The following PPRC1 variants were observed in gnomAD, a reference collection of about 807,000 sequenced individuals.
PPRC1 encodes the protein peroxisome proliferator-activated receptor gamma coactivator-related protein 1.
In PPRC1, 23 loss-of-function variants were observed where a neutral mutation model predicts 132.5. The observed-to-expected ratio is 0.17, with a 90% CI of 0.12 to 0.25. The LOEUF (loss-of-function observed/expected upper bound fraction) is 0.25. Among genes scored for constraint, PPRC1 ranks in the 10% least tolerant of loss-of-function variants. The pLI is 1.00. For synonymous variants in PPRC1, 872 were observed against 833.5 expected (o/e 1.05, Z -0.80); for missense variants, 2,006 against 2,089.1 (o/e 0.96, Z 0.78).
At chr10:102,143,143 T>TA in intron 6 of PPRC1, 45 bp downstream of exon 6, 1 of 1,572,792 alleles carries the variant, frequency 6.4e-7, no homozygotes, top group Non-Finnish European at 8.7e-7. Context: ...TTTTTGGTGA[T>TA]ACTTTTTTGG....
At position 102,149,975 on chromosome 10, in the gene PPRC1, T is replaced by C. The variant is rs2069439547; in HGVS notation, c.4941T>C (p.Asp1647=). The change falls in exon 14 of 14, where the codon GAT becomes GAC. Residue 1647 remains aspartate (D), a synonymous_variant. Transcript: ENST00000278070. ...FDPAPVKSKF[D]SLDFDTLLKQ... is the part of the protein sequence containing the mutation. ...CAGCACCTGTAAAGAGCAAATTTGA[T>C]TCTCTTGACTTTGACACATTGTTGA... The C allele has an allele frequency of 1.2e-6, 2 of 1,613,864 alleles. No individual in the cohort carries two copies. The highest frequency in any genetic ancestry group is 2.7e-5 in the African/African-American group (2 of 75,018).
chr10:102,133,506 C>A (rs893527672), intron 1 of PPRC1, among the ~76,000 whole-genome samples: 8 of 152,170 alleles, frequency 5.3e-5, no homozygotes, highest in Admixed American at 4.6e-4. Flanking sequence ...AAGGCTGAGA[C>A]CTCCATGTAA....
chr10:102,125,937 A>G, the PPRC1 span, among the ~76,000 whole-genome samples: 1 of 147,914 alleles, frequency 6.8e-6, no homozygotes, highest in Non-Finnish European at 1.5e-5. Context: ...ATCTCGGCTC[A>G]CTGCAACCTC....
chr10:102,149,843 G>A, intron 13 of PPRC1, 83 bp from the exon 14 acceptor site: 1 of 1,050,088 alleles, frequency 9.5e-7, no homozygotes, highest in Non-Finnish European at 1.5e-6. Context: ...TCCGTTTTTG[G>A]GATGGGAGAT....
Position 102,146,729 on chromosome 10 carries a change from C to T in PPRC1, c.3737C>T (p.Ser1246Leu), listed in dbSNP as rs1564954795. The T allele has an allele frequency of 7.4e-6, 12 of 1,614,010 alleles. No homozygotes were observed. Among genetic ancestry groups the T allele is most frequent in the Non-Finnish European group, 9.3e-6 (11 of 1,179,960 alleles). Reference protein sequence around the residue: ...HQLWKPLAAVSLLAKAKSPKS... With the variant: ...HQLWKPLAAVLLLAKAKSPKS... ...TTATGGAAGCCCCTGGCTGCTGTCTCACTGCTGGCCAAAGCCAAATCTCCT... is the reference window on the plus strand; with the variant it reads ...TTATGGAAGCCCCTGGCTGCTGTCTTACTGCTGGCCAAAGCCAAATCTCCT... The change falls in exon 9 of 14, where the codon TCA becomes TTA. Residue 1246 changes from serine (S) to leucine (L), a missense_variant. Physicochemically the swap from Ser to Leu is moderately radical, Grantham distance 145 (BLOSUM62 -2). Around this residue, in one of 2 missense-constraint regions of PPRC1, gnomAD observed 1,914 missense variants for 1,917.2 expected, o/e 1.00. Transcript: ENST00000278070.
chr10:102,143,012 T>TTGTA lies in PPRC1; in HGVS notation c.3497-33_3497-32insTGTA, dbSNP rs1391375467. 1.9e-6 allele frequency: 3 copies of TTGTA among 1,588,372 alleles called. No individual in the cohort carries two copies. The East Asian group carries it at 6.7e-5, about 36-fold the overall frequency. ...ACCTGTGTACTAAGTTGATAGGGGC[T>TTGTA]CGTTTTCAATCCTGTGTTGTGTGCC... is the stretch of plus-strand genomic sequence containing the variant. On this transcript the variant is annotated intron_variant, in intron 5 of 13. Coordinates refer to ENST00000278070, the MANE Select transcript of PPRC1 (RefSeq NM_015062.5).
intron 7 of PPRC1, chr10:102,144,584 G>T: frequency 1.9e-6 from 1 of 524,574 alleles, no homozygotes; most frequent in South Asian, 2.4e-5. Flanking sequence ...ATACCTTTGG[G>T]GATTTCTTTC....
upstream of PPRC1, among the ~76,000 whole-genome samples, chr10:102,129,245 TAA>T (rs1004266265): frequency 1.3e-5 from 2 of 152,174 alleles, no homozygotes; most frequent in African/African-American, 4.8e-5. Flanking sequence ...CAGAAAATTA[TAA>T]GTCAGTTATT....
rs139139095 is a variant in PPRC1, at chr10:102,147,274, C to T, written c.4282C>T (p.Arg1428Cys). The change falls in exon 9 of 14, where the codon CGT (arginine) becomes TGT (cysteine). Residue 1428 changes from arginine (R) to cysteine (C), a missense_variant. Physicochemically the swap from Arg to Cys is radical, Grantham distance 180. Around this residue, in one of 2 missense-constraint regions of PPRC1, gnomAD observed 1,914 missense variants for 1,917.2 expected, o/e 1.00. Transcript: ENST00000278070. ...GCAGGGCCGCCGAGGCCGCAACAGC[C>T]GTTCTGTCAGCTCTGGGTCCAACCG... Reference protein sequence around the residue: ...GWQGRRGRNSRSVSSGSNRTS... With the variant: ...GWQGRRGRNSCSVSSGSNRTS... 497 of 1,612,994 alleles carry T rather than the reference C, an allele frequency of 3.1e-4. No individual in the cohort carries two copies. Among genetic ancestry groups the T allele is most frequent in the Non-Finnish European group, 4.1e-4 (478 of 1,180,030 alleles).
chr10:102,128,609 CTTTTT>C, upstream of PPRC1, among the ~76,000 whole-genome samples: 1 of 143,126 alleles, frequency 7.0e-6, no homozygotes, highest in African/African-American at 2.5e-5. Flanking sequence ...CAGCTGCAGT[CTTTTT>C]TTTTTTTTCT....
chr10:102,150,146 G>A lies in PPRC1; in HGVS notation c.*117G>A, dbSNP rs991344712. ...TGAGATGACTGTTTTATAAAGAAAT[G>A]GAAAAAAGTGAAATAAAAAATATGT... On this transcript the variant is annotated 3_prime_UTR_variant, in exon 14 of 14. Coordinates refer to ENST00000278070, the MANE Select transcript of PPRC1 (RefSeq NM_015062.5). The A allele has an allele frequency of 3.7e-5, 25 of 672,726 alleles. No homozygotes were observed. Among genetic ancestry groups the A allele is most frequent in the South Asian group, 1.1e-4 (5 of 44,512 alleles). 41.7% of individuals were successfully genotyped at this position (672,726 alleles called of 1,614,324 possible).
chr10:102,124,513 A>G, the PPRC1 span, among the ~76,000 whole-genome samples: 1 of 150,108 alleles, frequency 6.7e-6, no homozygotes, highest in Non-Finnish European at 1.5e-5. Context: ...ACAGGCGCGC[A>G]CCACCACACT....
At chr10:102,132,984 T>C, upstream of PPRC1, 1 of 1,232,024 alleles carries the variant, frequency 8.1e-7, no homozygotes. Context: ...TGCAGTGTCA[T>C]TCGGGAGTTG....
In PPRC1 at chr10:102,139,625, C is replaced by T. The variant is rs763392676; in HGVS notation, c.1117C>T (p.Arg373Trp). 9.3e-6 allele frequency: 15 copies of T among 1,613,838 alleles called. No individual in the cohort carries two copies. The highest frequency in any genetic ancestry group is 4.5e-5 in the East Asian group (2 of 44,898). ...GGTGCGACAGGTCTCTCCTGGACCC[C>T]GGCCTGTGCTCCTGGATGACTCGCT... is the stretch of plus-strand genomic sequence containing the variant. ...VVVRQVSPGP[R>W]PVLLDDSLET... The change falls in exon 5 of 14, where the codon CGG (arginine) becomes TGG (tryptophan). Residue 373 changes from arginine to tryptophan, a missense_variant. Physicochemically the swap from Arg to Trp is moderately radical, Grantham distance 101 (BLOSUM62 -3). This residue lies in a region of PPRC1 where 1,914 missense variants were observed against 1,917.2 expected (regional missense o/e 1.00). Coordinates refer to ENST00000278070, the MANE Select transcript of PPRC1 (RefSeq NM_015062.5).
chr10:102,149,371 C>T, intron 13 of PPRC1, 42 bp downstream of exon 13: 6 of 1,523,532 alleles, frequency 3.9e-6, no homozygotes, highest in East Asian at 4.6e-5. Context: ...TGCTTCATCC[C>T]CTCCCCAGAA....
rs1036519000 is a variant in PPRC1, at chr10:102,148,422, C to T, written c.4451C>T (p.Ser1484Leu). 1.5e-5 allele frequency: 24 copies of T among 1,612,016 alleles called. No individual in the cohort carries two copies. Among genetic ancestry groups the T allele is most frequent in the East Asian group, 2.2e-5 (1 of 44,884 alleles). Residue 1484 changes from serine to leucine, a missense_variant, in exon 10 of 14, where the codon TCG (serine) becomes TTG (leucine). Ser to Leu is a moderately radical substitution (Grantham distance 145, BLOSUM62 -2). Transcript: ENST00000278070. This position sits in a 1 kb window ranked among gnomAD's most constrained non-coding sequence, Gnocchi z 4.2. Reference protein sequence around the residue: ...GRSRRCSSSSSSSSSSSSSSS... With the variant: ...GRSRRCSSSSLSSSSSSSSSS... ...TCTCGAAGATGCTCTTCCTCTTCTT[C>T]GTCATCATCTTCCTCTTCGTCTTCC...
chr10:102,137,841 C>G lies in PPRC1; in HGVS notation c.154-9C>G. On this transcript the variant is annotated splice_polypyrimidine_tract_variant and intron_variant, in intron 1 of 13. Transcript: ENST00000278070. ...GCTCATACCCTTCTCACCTTCTTCTCTGCTCCAGGTGCTGCTGCATGAGGA... is the reference window on the plus strand; with the variant it reads ...GCTCATACCCTTCTCACCTTCTTCTGTGCTCCAGGTGCTGCTGCATGAGGA... 6.2e-7 allele frequency: 1 copy of G among 1,612,488 alleles called. No individual in the cohort carries two copies. Among genetic ancestry groups the G allele is most frequent in the Non-Finnish European group, 8.5e-7 (1 of 1,179,236 alleles).
the PPRC1 span, among the ~76,000 whole-genome samples, chr10:102,125,864 CTT>C: frequency 2.0e-4 from 28 of 137,938 alleles, no homozygotes; most frequent in Admixed American, 3.6e-4. Context: ...TCTTTCTTTT[CTT>C]TTTTTTTTTT....
At chr10:102,132,007 A>C (rs1293346206), upstream of PPRC1, among the ~76,000 whole-genome samples, 1 of 152,330 alleles carries the variant, frequency 6.6e-6, no homozygotes, top group East Asian at 1.9e-4. Context: ...ATAAAATAGA[A>C]CTGGTGCTAA....
Sources: allele counts gnomAD v4.1 joint callset (sites outside exome capture counted in the v4.1 genomes callset), GRCh38; gene constraint gnomAD v4.1.1; regional missense constraint gnomAD v4.1.1; non-coding constraint Gnocchi (gnomAD v3.1); transcripts MANE v1.5; gene names NCBI Gene and HGNC (gene_info 2026-07-23, HGNC 2026-07-21).